Variants in FLVCR2 observed in about 807,000 individuals in gnomAD.
FLVCR2 encodes FLVCR choline and putative heme transporter 2.
FLVCR2 carries 38 observed loss-of-function variants against 48.9 expected under a neutral mutation model. The observed-to-expected ratio is 0.78, with a 90% CI of 0.60 to 1.02. The LOEUF (loss-of-function observed/expected upper bound fraction) is 1.02, where lower values mean the gene tolerates loss of function less well. Among genes scored for constraint, FLVCR2 ranks in the 50% least tolerant of loss-of-function variants. The pLI is 0.00. For synonymous variants in FLVCR2, 255 were observed against 257.0 expected, an observed-to-expected ratio of 0.99 and a Z score of 0.07; for missense variants, 664 against 663.3, an observed-to-expected ratio of 1.00 and a Z score of -0.01.
At chr14:75,587,320 A>C (rs1024707234) in intron 1 of FLVCR2, among the ~76,000 whole-genome samples, 3 of 152,156 alleles carry the variant, frequency 2.0e-5, no homozygotes, top group Non-Finnish European at 2.9e-5. Flanking sequence ...TCAAGCATAC[A>C]TGTAAAAAAA....
intron 1 of FLVCR2, among the ~76,000 whole-genome samples, chr14:75,593,535 C>G (rs761187266): frequency 1.3e-5 from 2 of 152,212 alleles, no homozygotes; most frequent in Non-Finnish European, 2.9e-5. Flanking sequence ...AGGAACTAAT[C>G]TAGTCTTGCG....
chr14:75,615,942 G>T (rs537715743), intron 1 of FLVCR2, among the ~76,000 whole-genome samples: 6 of 148,716 alleles, frequency 4.0e-5, no homozygotes, highest in Non-Finnish European at 7.4e-5. Flanking sequence ...CAGGAGAATG[G>T]CATGAACCCG....
rs1218010133 is a variant in FLVCR2, at chr14:75,648,125, T to C, written c.*1653T>C. 2 of 152,676 alleles carry C rather than the reference T, an allele frequency of 1.3e-5. No homozygotes were observed. Among genetic ancestry groups the C allele is most frequent in the African/African-American group, 4.8e-5 (2 of 41,468 alleles). The allele number at this position is 152,676 out of a possible 1,614,324, so 9.5% of individuals were successfully genotyped here. A position where few individuals can be genotyped will look rare whatever the true frequency, so the allele number is the denominator to read the frequency against. ...TAAAAACATAATTTGTGTTTTCTAT[T>C]TGTAAGATCTGACATTTCGAGGCAA... On this transcript the variant is annotated 3_prime_UTR_variant, in exon 10 of 10. Coordinates refer to ENST00000238667, the MANE Select transcript of FLVCR2 (RefSeq NM_017791.3).
intron 1 of FLVCR2, among the ~76,000 whole-genome samples, chr14:75,613,157 T>C (rs77891436): frequency 0.11 from 16,987 of 152,116 alleles, 1,423 homozygotes; most frequent in East Asian, 0.42. Context: ...TTAGTCCATT[T>C]TGGATTGCTA....
chr14:75,579,114 C>T lies in FLVCR2; in HGVS notation c.142C>T (p.His48Tyr). The T allele has an allele frequency of 6.2e-7, 1 of 1,614,048 alleles. No individual in the cohort carries two copies. The highest frequency in any genetic ancestry group is 8.5e-7 in the Non-Finnish European group (1 of 1,179,928). Residue 48 changes from histidine (H) to tyrosine (Y), a missense_variant, in exon 1 of 10, where the codon CAC becomes TAC. His to Tyr is a moderately conservative substitution (Grantham distance 83). Transcript: ENST00000238667. ...SVSINPSVSV[H>Y]PSSSAHPSAL... ...CTCCATCAACCCCAGCGTCTCTGTC[C>T]ACCCCAGCAGTTCGGCCCACCCCAG...
chr14:75,621,919 A>C, intron 1 of FLVCR2, 160 bp from the exon 2 acceptor site: 1 of 822,080 alleles, frequency 1.2e-6, no homozygotes, highest in Non-Finnish European at 2.1e-6. Flanking sequence ...AGTCAGAAGA[A>C]AGATTTCTCT....
chr14:75,582,878 A>C (rs2140002087), intron 1 of FLVCR2, among the ~76,000 whole-genome samples: 1 of 152,312 alleles, frequency 6.6e-6, no homozygotes, highest in East Asian at 1.9e-4. Flanking sequence ...GAAGGAAAGA[A>C]GTTGTTTTGT....
intron 1 of FLVCR2, chr14:75,595,924 C>T: frequency 1.6e-6 from 2 of 1,262,322 alleles, no homozygotes; most frequent in South Asian, 2.4e-5. Context: ...TCATACAGGC[C>T]ATGTCTTGCA....
At chr14:75,587,677 A>G (rs1888784470) in intron 1 of FLVCR2, among the ~76,000 whole-genome samples, 1 of 152,330 alleles carries the variant, frequency 6.6e-6, no homozygotes, top group African/African-American at 2.4e-5. Flanking sequence ...CACTTGTAGC[A>G]TTGTTTCAAG....
At chr14:75,611,458 AGGCACAGT>A (rs1393300609) in intron 1 of FLVCR2, among the ~76,000 whole-genome samples, 7 of 152,314 alleles carry the variant, frequency 4.6e-5, no homozygotes, top group South Asian at 2.1e-4. Context: ...CCAGAGGCCA[AGGCACAGT>A]GGCTCATGCC....
intron 3 of FLVCR2, chr14:75,631,736 TCTC>T (rs1458962018): frequency 6.6e-6 from 3 of 455,798 alleles, no homozygotes; most frequent in Admixed American, 2.4e-5. Context: ...TTTTCTTTCT[TCTC>T]CTTCCCACGC....
chr14:75,646,376 A>G (rs1890421845), intron 9 of FLVCR2, 25 bp from the exon 10 acceptor site: 1 of 1,585,780 alleles, frequency 6.3e-7, no homozygotes. Flanking sequence ...TACCCACAGC[A>G]CTGCCTGTTT....
At chr14:75,597,871 G>A (rs1889064389) in intron 1 of FLVCR2, among the ~76,000 whole-genome samples, 1 of 152,058 alleles carries the variant, frequency 6.6e-6, no homozygotes, top group Non-Finnish European at 1.5e-5. Flanking sequence ...TGCCCAGCCA[G>A]CATTATATGT....
At chr14:75,642,308 C>CT (rs1890323744) in intron 9 of FLVCR2, among the ~76,000 whole-genome samples, 1 of 152,204 alleles carries the variant, frequency 6.6e-6, no homozygotes, top group African/African-American at 2.4e-5. Context: ...CATGGCAGTG[C>CT]TGGCCCTAAG....
intron 1 of FLVCR2, chr14:75,604,253 G>C (rs966036149): frequency 6.6e-6 from 1 of 152,200 alleles, no homozygotes; most frequent in Non-Finnish European, 1.5e-5. Context: ...GTTAGTACTT[G>C]GATGGGAGAA....
At chr14:75,615,583 C>G (rs926328379) in intron 1 of FLVCR2, among the ~76,000 whole-genome samples, 21 of 152,050 alleles carry the variant, frequency 1.4e-4, no homozygotes, top group Admixed American at 5.2e-4. Context: ...AATTAACTTG[C>G]CAAGCTCTAG....
chr14:75,603,824 C>T (rs532627000), intron 1 of FLVCR2, among the ~76,000 whole-genome samples: 53 of 152,236 alleles, frequency 3.5e-4, no homozygotes, highest in African/African-American at 1.2e-3. Context: ...CCCACTCCCT[C>T]GAGGGGTTGA....
chr14:75,626,153 GGC>G (rs1485767442), intron 3 of FLVCR2, among the ~76,000 whole-genome samples: 3 of 152,018 alleles, frequency 2.0e-5, no homozygotes, highest in Admixed American at 1.3e-4. Flanking sequence ...CACCATGCCC[GGC>G]TAATTTTTGT....
intron 1 of FLVCR2, among the ~76,000 whole-genome samples, chr14:75,617,486 G>T (rs774790638): frequency 6.6e-6 from 1 of 152,080 alleles, no homozygotes; most frequent in Non-Finnish European, 1.5e-5. Context: ...CCCTCTATTG[G>T]GATGAAGTAA....
Sources: gnomAD v4.1 joint callset for allele counts (sites outside exome capture counted in the v4.1 genomes callset) on GRCh38, gnomAD v4.1.1 for gene constraint, MANE v1.5 for transcripts, NCBI Gene and HGNC (gene_info 2026-07-23, HGNC 2026-07-21) for gene names.